DOCK6: variants seen among roughly 807,000 people sequenced by gnomAD.
The protein encoded by DOCK6 is dedicator of cytokinesis protein 6.
Under a neutral mutation model 230.3 loss-of-function variants are expected in DOCK6, and 167 were observed. The observed-to-expected ratio is 0.73, with a 90% CI of 0.64 to 0.82. DOCK6 has a LOEUF of 0.82. DOCK6 is among the 40% of genes least tolerant of loss of function. The pLI is 0.00. For synonymous variants in DOCK6, 1,148 were observed against 1,185.0 expected (o/e 0.97, Z 0.64); for missense variants, 2,598 against 2,825.8 (o/e 0.92, Z 1.83).
intron 1 of DOCK6, among the ~76,000 whole-genome samples, chr19:11,261,836 C>A (rs2080294499): frequency 1.4e-5 from 2 of 141,190 alleles, no homozygotes; most frequent in Admixed American, 7.2e-5. Flanking sequence ...CCACAGCTGT[C>A]CCCCTTCCCC....
intron 14 of DOCK6, chr19:11,239,612 T>C: frequency 1.2e-6 from 2 of 1,612,180 alleles, no homozygotes; most frequent in Non-Finnish European, 1.7e-6. Flanking sequence ...GTGACAGTGC[T>C]GTGGCTATAC....
rs2079180241 is a variant in DOCK6, at chr19:11,202,141, G to A, written c.5452-16C>T. The A allele has an allele frequency of 6.2e-7, 1 of 1,611,926 alleles. No homozygotes were observed. Among genetic ancestry groups the A allele is most frequent in the Non-Finnish European group, 8.5e-7 (1 of 1,178,172 alleles). ...GGATGTAGGCCTGGGCGCAGGGTCA[G>A]GTGTGAGGATCCCACAGCCCCAGCA... On this transcript the variant is annotated splice_polypyrimidine_tract_variant and intron_variant, in intron 43 of 47. Coordinates refer to ENST00000294618, the MANE Select transcript of DOCK6 (RefSeq NM_020812.4). This position sits in a 1 kb window ranked among gnomAD's most constrained non-coding sequence, Gnocchi z 5.3.
intron 37 of DOCK6, 69 bp downstream of exon 37, chr19:11,211,707 C>A: frequency 7.9e-7 from 1 of 1,266,770 alleles, no homozygotes; most frequent in South Asian, 1.3e-5. Context: ...GACATCTACT[C>A]TCATCCCTGT....
intron 24 of DOCK6, among the ~76,000 whole-genome samples, chr19:11,223,657 T>A (rs1190425067): frequency 1.3e-5 from 2 of 152,190 alleles, no homozygotes; most frequent in Non-Finnish European, 2.9e-5. Context: ...TTAATTAATT[T>A]ATTTTTTGAG....
At chr19:11,255,931 C>T (rs1307228629) in intron 1 of DOCK6, among the ~76,000 whole-genome samples, 5 of 152,082 alleles carry the variant, frequency 3.3e-5, no homozygotes, top group East Asian at 1.9e-4. Context: ...GGACTACAGG[C>T]GCCCACCACT....
At chr19:11,204,167 G>C (rs911124681) in intron 40 of DOCK6, 33 bp downstream of exon 40, 68 of 1,549,340 alleles carry the variant, frequency 4.4e-5, no homozygotes, top group Non-Finnish European at 5.8e-5. Flanking sequence ...GTGGGGCTGA[G>C]GGTGGGGTCT....
In DOCK6 at chr19:11,201,741, G is replaced by A; in HGVS notation, c.5688+148C>T. 1 of 743,380 alleles carries A rather than the reference G, an allele frequency of 1.3e-6. No individual in the cohort carries two copies. The highest frequency in any genetic ancestry group is 2.2e-6 in the Non-Finnish European group (1 of 456,222). The allele number at this position is 743,380 out of a possible 1,614,324, so 46.0% of individuals were successfully genotyped here. On this transcript the variant is annotated intron_variant, in intron 44 of 47. Coordinates refer to ENST00000294618, the MANE Select transcript of DOCK6 (RefSeq NM_020812.4). This position sits in a 1 kb window ranked among gnomAD's most constrained non-coding sequence, Gnocchi z 4.3. ...CCTCCCCTCCCCTCCCTGGGGATCT[G>A]GTCTAGGGTCCCTGTGCCACCCCTC... is the stretch of plus-strand genomic sequence containing the variant.
chr19:11,233,696 G>C (rs756884799), intron 21 of DOCK6, among the ~76,000 whole-genome samples: 1 of 152,092 alleles, frequency 6.6e-6, no homozygotes, highest in Non-Finnish European at 1.5e-5. Context: ...AAAATTAGCC[G>C]GGCATGGCAG....
At chr19:11,213,118 C>A in intron 35 of DOCK6, 58 bp downstream of exon 35, 1 of 1,572,810 alleles carries the variant, frequency 6.4e-7, no homozygotes, top group Admixed American at 1.7e-5. Flanking sequence ...TGGTTGAGAC[C>A]CCACTGGCCA....
Position 11,252,155 on chromosome 19 carries a change from A to T in DOCK6, c.471T>A (p.Asp157Glu). Reference sequence around the variant, plus strand: ...GGCCGGACCTCTCGTCTCCAGAAGCATCCTGCTCAAAGACCTGGCGGGGGA... The same window carrying T: ...GGCCGGACCTCTCGTCTCCAGAAGCTTCCTGCTCAAAGACCTGGCGGGGGA... ...KGLPRQVFEQ[D>E]ASGDERSGPE... The change falls in exon 5 of 48, where the codon GAT (aspartate) becomes GAA (glutamate). Residue 157 changes from aspartate (D) to glutamate (E), a missense_variant. Physicochemically the swap from Asp to Glu is conservative, Grantham distance 45. Transcript: ENST00000294618. 6.3e-7 allele frequency: 1 copy of T among 1,588,094 alleles called. No individual in the cohort carries two copies. The highest frequency in any genetic ancestry group is 1.2e-5 in the South Asian group (1 of 86,908).
rs2079989759 is a variant in DOCK6, at chr19:11,243,816, C to T, written c.1090G>A (p.Val364Met). The change falls in exon 10 of 48, where the codon GTG becomes ATG. Residue 364 changes from valine (V) to methionine (M), a missense_variant. Transcript: ENST00000294618. The surrounding 1 kb of genome is among the most constrained non-coding windows in gnomAD (Gnocchi z 6.3). Reference protein sequence around the residue: ...CCEPYMVLKEVDTAKNKEKLE... With the variant: ...CCEPYMVLKEMDTAKNKEKLE... ...CACACGCTTACCTTGGCTGTGTCCA[C>T]TTCTTTCAACACCATGTAAGGCTCA... 1 of 1,613,248 alleles carries T rather than the reference C, an allele frequency of 6.2e-7. No homozygotes were observed. Among genetic ancestry groups the T allele is most frequent in the African/African-American group, 1.3e-5 (1 of 75,052 alleles).
At chr19:11,237,103 A>G in intron 18 of DOCK6, 1 of 595,596 alleles carries the variant, frequency 1.7e-6, no homozygotes, top group Non-Finnish European at 3.0e-6. Context: ...ACACAGGGTG[A>G]ATGAATATTC....
intron 20 of DOCK6, 117 bp from the exon 21 acceptor site, chr19:11,235,876 AATTT>A: frequency 3.9e-6 from 5 of 1,284,078 alleles, no homozygotes; most frequent in South Asian, 3.8e-5. Context: ...AGGGGTCACA[AATTT>A]TTTTTTTTTT....
rs772839281 is a variant in DOCK6 at position 11,200,408 on chromosome 19, G to A, written c.6001C>T (p.Arg2001Cys). ...CGGCAGTAGTTGCGCTCCAGCTCAC[G>A]GTGGTACTCCTTCTGGTCCGGCCCA... ...LIGPDQKEYHRELERNYCRLR... is the reference protein window; with the variant it reads ...LIGPDQKEYHCELERNYCRLR... Residue 2001 changes from arginine to cysteine, a missense_variant, in exon 47 of 48, where the codon CGT (arginine) becomes TGT (cysteine). Arg to Cys is a radical substitution (Grantham distance 180). Transcript: ENST00000294618. This position sits in a 1 kb window ranked among gnomAD's most constrained non-coding sequence, Gnocchi z 4.3. 6.2e-7 allele frequency: 1 copy of A among 1,610,166 alleles called. No homozygotes were observed. The highest frequency in any genetic ancestry group is 2.2e-5 in the East Asian group (1 of 44,726).
chr19:11,208,538 C>G (rs929290872), intron 39 of DOCK6, 148 bp downstream of exon 39: 1 of 1,186,580 alleles, frequency 8.4e-7, no homozygotes, highest in Non-Finnish European at 1.1e-6. Flanking sequence ...CTCCGCCTCC[C>G]AAAGTGCTGG....
rs775283213 is a variant in DOCK6, at chr19:11,212,065, T to C, written c.4578A>G (p.Arg1526=). 3.7e-6 allele frequency: 6 copies of C among 1,611,498 alleles called. No homozygotes were observed. Among genetic ancestry groups the C allele is most frequent in the Admixed American group, 1.7e-5 (1 of 59,728 alleles). Residue 1526 remains arginine, a synonymous_variant, in exon 36 of 48, where the codon CGA becomes CGG. Transcript: ENST00000294618. ...AGGTGAGGATGGTTTTGAGTGAACGTCGCAGGTGCTCTTCACTGAAGTTCT... is the reference window on the plus strand; with the variant it reads ...AGGTGAGGATGGTTTTGAGTGAACGCCGCAGGTGCTCTTCACTGAAGTTCT... ...TTQNFSEEHL[R]RSLKTILTYA...
chr19:11,260,281 G>A (rs191167330), intron 1 of DOCK6, among the ~76,000 whole-genome samples: 11 of 152,172 alleles, frequency 7.2e-5, no homozygotes, highest in Admixed American at 3.9e-4. Flanking sequence ...AGACCAAAAT[G>A]CAAAGAAACA....
At chr19:11,253,033 C>A in intron 2 of DOCK6, 75 bp from the exon 3 acceptor site, 3 of 1,438,416 alleles carry the variant, frequency 2.1e-6, no homozygotes, top group Non-Finnish European at 1.9e-6. Context: ...GGGGTGGGTG[C>A]GCGCTGGCTT....
intron 32 of DOCK6, 91 bp downstream of exon 32, chr19:11,215,296 A>G: frequency 8.4e-7 from 1 of 1,184,544 alleles, no homozygotes; most frequent in Non-Finnish European, 1.2e-6. Flanking sequence ...TATGTTGCCC[A>G]GGCTGGTCTC....
Sources: allele counts gnomAD v4.1 joint callset (sites outside exome capture counted in the v4.1 genomes callset), GRCh38; gene constraint gnomAD v4.1.1; non-coding constraint Gnocchi (gnomAD v3.1); transcripts MANE v1.5; gene names NCBI Gene and HGNC (gene_info 2026-07-23, HGNC 2026-07-21).